Variants in PKHD1 observed in about 807,000 individuals in gnomAD.
PKHD1 encodes the protein fibrocystin.
PKHD1 carries 291 observed loss-of-function variants against 412.0 expected under a neutral mutation model. The observed-to-expected ratio is 0.71, with a 90% CI of 0.64 to 0.78. PKHD1 has a LOEUF of 0.78. PKHD1 is among the 30% of genes least tolerant of loss of function. The pLI is 0.00. For synonymous variants in PKHD1, 1,777 were observed against 1,821.5 expected, an observed-to-expected ratio of 0.98 and a Z score of 0.62; for missense variants, 4,825 against 4,950.7, an observed-to-expected ratio of 0.97 and a Z score of 0.76.
rs750588859 is a variant in PKHD1 at position 52,084,911 on chromosome 6, A to G, written c.23T>C (p.Leu8Pro). Residue 8 changes from leucine (L) to proline (P), a missense_variant, in exon 2 of 67, where the codon CTG becomes CCG. Transcript: ENST00000371117. MTAWLIS[L>P]MSIEVLLLAV... ...CAAAAGTAGTACTTCAATACTCATCAGAGAGATCAGCCAGGCAGTCATTCT... is the reference window on the plus strand; with the variant it reads ...CAAAAGTAGTACTTCAATACTCATCGGAGAGATCAGCCAGGCAGTCATTCT... The G allele has an allele frequency of 2.4e-5, 38 of 1,607,428 alleles. No individual in the cohort carries two copies. Among genetic ancestry groups the G allele is most frequent in the Non-Finnish European group, 2.8e-5 (33 of 1,173,968 alleles).
chr6:51,795,736 T>C (rs1260150491), intron 52 of PKHD1, among the ~76,000 whole-genome samples: 3 of 152,210 alleles, frequency 2.0e-5, no homozygotes, highest in East Asian at 1.9e-4. Context: ...TTTGAATGTA[T>C]GTTGAATTTA....
At chr6:51,755,348 T>G (rs566638485) in intron 55 of PKHD1, among the ~76,000 whole-genome samples, 1 of 152,228 alleles carries the variant, frequency 6.6e-6, no homozygotes, top group South Asian at 2.1e-4. Context: ...TTTGACAACT[T>G]TGGACATTTT....
intron 24 of PKHD1, among the ~76,000 whole-genome samples, chr6:52,045,304 T>C (rs1805618696): frequency 1.3e-5 from 2 of 152,202 alleles, no homozygotes; most frequent in Admixed American, 1.3e-4. Flanking sequence ...TGCAAGTGGA[T>C]TGCCAAAAGA....
chr6:52,009,707 T>C (rs1236094795), intron 35 of PKHD1, among the ~76,000 whole-genome samples: 1 of 152,144 alleles, frequency 6.6e-6, no homozygotes, highest in Admixed American at 6.6e-5. Flanking sequence ...AATTCCTCTC[T>C]GGAGACTTAC....
intron 66 of PKHD1, 32 bp downstream of exon 66, chr6:51,626,965 C>T (rs541012990): frequency 1.9e-6 from 3 of 1,611,826 alleles, no homozygotes; most frequent in Non-Finnish European, 1.7e-6. Context: ...TGGGTCTCTC[C>T]TGTGGGGATC....
chr6:51,908,087 C>T (rs2127645182), intron 40 of PKHD1, among the ~76,000 whole-genome samples: 1 of 152,132 alleles, frequency 6.6e-6, no homozygotes, highest in South Asian at 2.1e-4. Context: ...GTACTATATA[C>T]AGCTGACCAA....
intron 52 of PKHD1, among the ~76,000 whole-genome samples, chr6:51,808,298 A>C (rs1764154866): frequency 6.6e-6 from 1 of 152,124 alleles, no homozygotes; most frequent in African/African-American, 2.4e-5. Context: ...AAGATACCAA[A>C]GGAAGGAACC....
At position 52,022,853 on chromosome 6, in the gene PKHD1, GACTCGGCAGGGAGCACCACACACAGC is replaced by G; in HGVS notation, c.5302_5327del (p.Ala1768ProfsTer3). ...AGGCAGACACTGTAGCATTAGCCAG[GACTCGGCAGGGAGCACCACACACAGC>G]AGCTGAGACATTCCCTGGAGAAAAT... On this transcript the variant is annotated frameshift_variant, in exon 33 of 67. Coordinates refer to ENST00000371117, the MANE Select transcript of PKHD1 (RefSeq NM_138694.4). LOFTEE classifies it high-confidence loss of function. 6.2e-7 allele frequency: 1 copy of G among 1,614,106 alleles called. No individual in the cohort carries two copies. The highest frequency in any genetic ancestry group is 2.2e-5 in the East Asian group (1 of 44,880).
chr6:51,934,137 C>G lies in PKHD1; in HGVS notation c.6094G>C (p.Val2032Leu), dbSNP rs1187112770. The G allele has an allele frequency of 2.5e-6, 4 of 1,613,304 alleles. No homozygotes were observed. The highest frequency in any genetic ancestry group is 3.4e-6 in the Non-Finnish European group (4 of 1,179,336). Residue 2032 changes from valine (V) to leucine (L), a missense_variant, in exon 37 of 67, where the codon GTG becomes CTG. Val to Leu is a conservative substitution (Grantham distance 32). Coordinates refer to ENST00000371117, the MANE Select transcript of PKHD1 (RefSeq NM_138694.4). ...TGCAGAGAAAGAGTTCCATTCCTCA[C>G]AGCCAGGAACTTGACTCCATAGGGA... is the stretch of plus-strand genomic sequence containing the variant. ...FFPYGVKFLA[V>L]RNGTLSLHGS...
intron 37 of PKHD1, among the ~76,000 whole-genome samples, chr6:51,917,558 G>A (rs1294125933): frequency 2.0e-5 from 3 of 152,118 alleles, no homozygotes; most frequent in Non-Finnish European, 2.9e-5. Context: ...CCAAGGGAGT[G>A]GTCCTTTCCA....
At chr6:51,806,704 T>A (rs1392161102) in intron 52 of PKHD1, among the ~76,000 whole-genome samples, 1 of 141,420 alleles carries the variant, frequency 7.1e-6, no homozygotes, top group Non-Finnish European at 1.6e-5. Flanking sequence ...GGTTTTTTTT[T>A]AATTCAAGGG....
intron 52 of PKHD1, among the ~76,000 whole-genome samples, chr6:51,817,097 G>T (rs1214128320): frequency 6.6e-6 from 1 of 152,134 alleles, no homozygotes; most frequent in Admixed American, 6.5e-5. Context: ...GGCCCCAGAA[G>T]TTCTTTCCCA....
chr6:51,766,129 C>T (rs973305116), intron 55 of PKHD1, among the ~76,000 whole-genome samples: 1 of 152,056 alleles, frequency 6.6e-6, no homozygotes, highest in African/African-American at 2.4e-5. Context: ...CAGATCATAG[C>T]TCAATGTTTG....
chr6:52,063,349 T>C (rs1393647958), intron 13 of PKHD1, among the ~76,000 whole-genome samples: 1 of 152,204 alleles, frequency 6.6e-6, no homozygotes, highest in Non-Finnish European at 1.5e-5. Flanking sequence ...TTGATGTCCT[T>C]GCATCTTCAT....
At chr6:51,744,813 A>C (rs1003068158) in intron 59 of PKHD1, among the ~76,000 whole-genome samples, 1 of 152,190 alleles carries the variant, frequency 6.6e-6, no homozygotes, top group Non-Finnish European at 1.5e-5. Flanking sequence ...AGCAAGATAC[A>C]ATAAAGTGTT....
chr6:52,027,974 A>G (rs964611936), intron 30 of PKHD1, 78 bp from the exon 31 acceptor site: 2 of 1,264,888 alleles, frequency 1.6e-6, no homozygotes, highest in Admixed American at 1.7e-5. Context: ...AGCCATATGT[A>G]TTTTGAGGAG....
chr6:52,017,800 G>T (rs1195933499), intron 33 of PKHD1, among the ~76,000 whole-genome samples, 171 bp from the exon 34 acceptor site: 4 of 152,062 alleles, frequency 2.6e-5, no homozygotes, highest in Admixed American at 6.5e-5. Context: ...AAAAATACAA[G>T]TATCATTTTT....
intron 40 of PKHD1, among the ~76,000 whole-genome samples, chr6:51,907,382 C>T (rs1230292892): frequency 6.6e-6 from 1 of 152,112 alleles, no homozygotes; most frequent in Non-Finnish European, 1.5e-5. Flanking sequence ...ACTAGGTGCC[C>T]TCACATTGCT....
intron 43 of PKHD1, among the ~76,000 whole-genome samples, chr6:51,890,672 G>C (rs1778967302): frequency 6.6e-6 from 1 of 152,136 alleles, no homozygotes; most frequent in South Asian, 2.1e-4. Context: ...CAAATCCAGA[G>C]AATGTAAAAT....
Sources: gnomAD v4.1 joint callset for allele counts (sites outside exome capture counted in the v4.1 genomes callset) on GRCh38, gnomAD v4.1.1 for gene constraint, MANE v1.5 for transcripts, NCBI Gene and HGNC (gene_info 2026-07-23, HGNC 2026-07-21) for gene names.